IMMT: variants seen among roughly 807,000 people sequenced by gnomAD.
IMMT encodes the protein MICOS complex subunit MIC60.
In IMMT, 40 loss-of-function variants were observed where a neutral mutation model predicts 92.7. The ratio of observed to expected loss-of-function variants is 0.43; its 90% CI spans 0.34 to 0.56. The LOEUF (loss-of-function observed/expected upper bound fraction) is 0.56. Among genes scored for constraint, IMMT ranks in the 20% least tolerant of loss-of-function variants. IMMT has a pLI of 0.03. For synonymous variants in IMMT, 322 were observed against 336.1 expected, an observed-to-expected ratio of 0.96 and a Z score of 0.46; for missense variants, 831 against 912.1, an observed-to-expected ratio of 0.91 and a Z score of 1.14.
intron 6 of IMMT, among the ~76,000 whole-genome samples, chr2:86,167,517 C>T (rs1435034365): frequency 7.7e-6 from 1 of 130,576 alleles, no homozygotes; most frequent in African/African-American, 3.0e-5. Flanking sequence ...CGGAGTCCCA[C>T]TCTATCGCCC....
At chr2:86,166,113 C>T (rs960871615) in intron 7 of IMMT, among the ~76,000 whole-genome samples, 2 of 152,228 alleles carry the variant, frequency 1.3e-5, no homozygotes, top group Admixed American at 6.5e-5. Flanking sequence ...AGGCAAATCA[C>T]TTGAGGTCAA....
In IMMT at chr2:86,150,939, G is replaced by A. The variant is rs144593839; in HGVS notation, c.1401+358C>T. ...GTCAGTATTTTTTTTTTTTTTTTGAGACAGTCTTGCTCCATCGCCCAAGCT... is the reference window on the plus strand; with the variant it reads ...GTCAGTATTTTTTTTTTTTTTTTGAAACAGTCTTGCTCCATCGCCCAAGCT... On this transcript the variant is annotated intron_variant, in intron 12 of 14. Transcript: ENST00000410111. Among the ~76,000 whole-genome samples, 922 of 144,124 alleles carry A rather than the reference G, an allele frequency of 6.4e-3. 9 individuals are homozygous for A. The highest frequency in any genetic ancestry group is 0.022 in the African/African-American group (849 of 38,908). 94.6% of individuals were successfully genotyped at this position (144,124 alleles called of 152,430 possible). A position where few individuals can be genotyped will look rare whatever the true frequency, so the allele number is the denominator to read the frequency against.
intron 12 of IMMT, among the ~76,000 whole-genome samples, chr2:86,148,609 C>T (rs925156774): frequency 2.0e-5 from 3 of 152,072 alleles, no homozygotes. Context: ...AAGACTCCAT[C>T]TCAAAAAGAA....
At position 86,178,044 on chromosome 2, in the gene IMMT, G is replaced by A. The variant is rs183137459; in HGVS notation, c.309+1389C>T. Among the ~76,000 whole-genome samples the A allele has an allele frequency of 1.6e-3, 238 of 152,192 alleles. 2 individuals carry two copies. Among genetic ancestry groups the A allele is most frequent in the African/African-American group, 5.4e-3 (225 of 41,526 alleles). On this transcript the variant is annotated intron_variant, in intron 3 of 14. Coordinates refer to ENST00000410111, the MANE Select transcript of IMMT (RefSeq NM_006839.3). The stretch of plus-strand genomic sequence containing the variant: ...TTAAAGGAAACTGGCGGCCAGGAGC[G>A]GTGGCTCAAGCCTGTAATCCCAGCA...
intron 10 of IMMT, among the ~76,000 whole-genome samples, chr2:86,154,156 A>G (rs1573887674): frequency 7.3e-6 from 1 of 137,804 alleles, no homozygotes; most frequent in South Asian, 2.3e-4. Flanking sequence ...GAGCCACTGC[A>G]CCCAGCAACC....
intron 3 of IMMT, among the ~76,000 whole-genome samples, chr2:86,178,557 C>T (rs1372216069): frequency 6.6e-6 from 1 of 151,114 alleles, no homozygotes; most frequent in Admixed American, 6.6e-5. Context: ...ACCCAGGAGG[C>T]GGAAGTTGCA....
intron 1 of IMMT, among the ~76,000 whole-genome samples, chr2:86,194,155 C>T (rs1276964451): frequency 1.3e-5 from 2 of 152,198 alleles, no homozygotes; most frequent in South Asian, 2.1e-4. Context: ...CTGCAAGGGA[C>T]TGAATTCTGC....
At position 86,153,332 on chromosome 2, in the gene IMMT, C is replaced by CACACACAT. The variant is rs796360621; in HGVS notation, c.1177+227_1177+228insATGTGTGT. On this transcript the variant is annotated intron_variant, in intron 11 of 14. Coordinates refer to ENST00000410111, the MANE Select transcript of IMMT (RefSeq NM_006839.3). ...ACACACACACACACACACACACACA[C>CACACACAT]ACACACACACTTCACATCTATAGGA... is the stretch of plus-strand genomic sequence containing the variant. 4.1e-3 allele frequency among the ~76,000 whole-genome samples: 617 copies of CACACACAT among 152,048 alleles called. 33 individuals carry two copies. In the East Asian group the frequency reaches 0.11, roughly 27 times the overall value.
chr2:86,191,712 G>A (rs571914478), intron 1 of IMMT, among the ~76,000 whole-genome samples: 1 of 141,450 alleles, frequency 7.1e-6, no homozygotes, highest in African/African-American at 2.6e-5. Flanking sequence ...GACTATCCTG[G>A]CTAACACGGT....
chr2:86,157,695 G>A (rs1045224423), intron 10 of IMMT, among the ~76,000 whole-genome samples: 3 of 151,354 alleles, frequency 2.0e-5, no homozygotes, highest in Non-Finnish European at 4.4e-5. Flanking sequence ...GGCTGAGGCA[G>A]GAGAATTGCT....
intron 2 of IMMT, among the ~76,000 whole-genome samples, chr2:86,180,427 G>A (rs903679886): frequency 7.2e-5 from 11 of 151,768 alleles, no homozygotes; most frequent in Non-Finnish European, 1.2e-4. Context: ...CACTACGCCC[G>A]GCTAATTTTT....
chr2:86,145,515 A>G (rs1031320883), intron 14 of IMMT, among the ~76,000 whole-genome samples: 11 of 150,312 alleles, frequency 7.3e-5, no homozygotes, highest in East Asian at 1.9e-4. Flanking sequence ...AAAAAAAAAA[A>G]AAAGAAATGG....
intron 3 of IMMT, among the ~76,000 whole-genome samples, chr2:86,177,607 A>G (rs760947379): frequency 5.3e-5 from 8 of 151,492 alleles, no homozygotes; most frequent in African/African-American, 7.3e-5. Context: ...TCTCAAAAGA[A>G]AAAAAAAAGA....
chr2:86,180,930 T>G (rs567209787), intron 2 of IMMT, among the ~76,000 whole-genome samples: 19 of 151,926 alleles, frequency 1.3e-4, no homozygotes, highest in Non-Finnish European at 1.8e-4. Context: ...CCAAATAAAT[T>G]TAACACTTGC....
chr2:86,181,003 A>G (rs2105426616), intron 2 of IMMT, among the ~76,000 whole-genome samples: 1 of 152,364 alleles, frequency 6.6e-6, no homozygotes, highest in South Asian at 2.1e-4. Flanking sequence ...TTAAGTTACA[A>G]CATGCTGAGT....
intron 3 of IMMT, among the ~76,000 whole-genome samples, chr2:86,178,332 GA>G (rs58752645): frequency 1.0e-4 from 9 of 87,886 alleles, no homozygotes; most frequent in Admixed American, 2.3e-4. Flanking sequence ...AAAAAAAAAA[GA>G]AAAAAAAAAA....
chr2:86,168,418 T>C (rs547003900), intron 6 of IMMT, among the ~76,000 whole-genome samples: 32 of 151,782 alleles, frequency 2.1e-4, no homozygotes, highest in Non-Finnish European at 4.1e-4. Context: ...AGGTCAGGAG[T>C]TCGAGACCAG....
chr2:86,154,104 T>C (rs1339004388), intron 10 of IMMT, among the ~76,000 whole-genome samples: 3 of 152,078 alleles, frequency 2.0e-5, no homozygotes, highest in Non-Finnish European at 2.9e-5. Flanking sequence ...GCTCAAGCGA[T>C]CTGCCTTCCT....
At chr2:86,153,915 T>C (rs1482541138) in intron 10 of IMMT, among the ~76,000 whole-genome samples, 1 of 152,312 alleles carries the variant, frequency 6.6e-6, no homozygotes, top group African/African-American at 2.4e-5. Flanking sequence ...TAGCCTGGAG[T>C]GCAGTGGTAC....
Sources: gnomAD v4.1 joint callset for allele counts (sites outside exome capture counted in the v4.1 genomes callset) on GRCh38, gnomAD v4.1.1 for gene constraint, MANE v1.5 for transcripts, NCBI Gene and HGNC (gene_info 2026-07-23, HGNC 2026-07-21) for gene names.